The following EPN3 variants were observed in gnomAD, a reference collection of about 807,000 sequenced individuals.
EPN3 encodes epsin-3.
In EPN3, 56 loss-of-function variants were observed where a neutral mutation model predicts 55.5. That is an observed-to-expected ratio of 1.01 (90% CI 0.81 to 1.26). EPN3 has a LOEUF of 1.26. EPN3 is among the 50% of genes most tolerant of loss of function. EPN3 has a pLI of 0.00. For missense variants in EPN3, 927 were observed against 853.4 expected, an observed-to-expected ratio of 1.09 and a Z score of -1.07; for synonymous variants, 449 against 375.2, an observed-to-expected ratio of 1.20 and a Z score of -2.27.
chr17:50,536,241 A>G, intron 1 of EPN3, 180 bp from the exon 2 acceptor site: 1 of 389,482 alleles, frequency 2.6e-6, no homozygotes, highest in South Asian at 3.1e-5. Context: ...GTGAAGATAG[A>G]TAGATGAGCA....
chr17:50,534,933 C>T (rs943969819), intron 1 of EPN3, among the ~76,000 whole-genome samples: 2 of 152,130 alleles, frequency 1.3e-5, no homozygotes, highest in African/African-American at 4.8e-5. Context: ...GGACAGTTCA[C>T]GGGTGAAGTG....
Position 50,538,185 on chromosome 17 carries a change from G to T in EPN3, c.669G>T (p.Glu223Asp). The T allele has an allele frequency of 6.2e-7, 1 of 1,611,152 alleles. No homozygotes were observed. The highest frequency in any genetic ancestry group is 8.5e-7 in the Non-Finnish European group (1 of 1,179,880). The change falls in exon 3 of 10, where the codon GAG becomes GAT. Residue 223 changes from glutamate to aspartate, a missense_variant. Physicochemically the swap from Glu to Asp is conservative, Grantham distance 45 (BLOSUM62 2). Transcript: ENST00000268933. ...QLQLALAMSREEAEKPVPPAS... is the reference protein window; with the variant it reads ...QLQLALAMSRDEAEKPVPPAS... ...AGCTGGCCCTCGCCATGAGCCGTGA[G>T]GAGGCAGAGAAGGTGAGGCCATGCA...
chr17:50,534,902 G>A (rs1380615233), intron 1 of EPN3, among the ~76,000 whole-genome samples: 2 of 152,148 alleles, frequency 1.3e-5, no homozygotes, highest in South Asian at 2.1e-4. Flanking sequence ...GGGTGGAGCC[G>A]AAAGGTGTTT....
Position 50,538,122 on chromosome 17 carries a change from C to T in EPN3, c.606C>T (p.Ala202=), listed in dbSNP as rs1361508918. The change falls in exon 3 of 10, where the codon GCC becomes GCT. Residue 202 remains alanine (A), a synonymous_variant. Coordinates refer to ENST00000268933, the MANE Select transcript of EPN3 (RefSeq NM_017957.3). ...GCTATACCTCCGACCTGGAGCAGGCCCGGCCTCAGACGTCAGGGGAAGAGG... is the reference window on the plus strand; with the variant it reads ...GCTATACCTCCGACCTGGAGCAGGCTCGGCCTCAGACGTCAGGGGAAGAGG... ...SPRYTSDLEQ[A]RPQTSGEEEL... is the part of the protein sequence containing the mutation. 3.7e-6 allele frequency: 6 copies of T among 1,613,948 alleles called. No homozygotes were observed. Among genetic ancestry groups the T allele is most frequent in the Non-Finnish European group, 5.1e-6 (6 of 1,180,020 alleles).
chr17:50,535,953 G>A (rs2034753978), intron 1 of EPN3: 1 of 153,460 alleles, frequency 6.5e-6, no homozygotes, highest in African/African-American at 2.4e-5. Context: ...TGCACTCTTA[G>A]GTGGGGCTTC....
At position 50,541,948 on chromosome 17, in the gene EPN3, G is replaced by C; in HGVS notation, c.1690G>C (p.Gly564Arg). 1 of 1,595,542 alleles carries C rather than the reference G, an allele frequency of 6.3e-7. No homozygotes were observed. The change falls in exon 10 of 10, where the codon GGG (glycine) becomes CGG (arginine). Residue 564 changes from glycine (G) to arginine (R), a missense_variant. Gly to Arg is a moderately radical substitution (Grantham distance 125, BLOSUM62 -2). Transcript: ENST00000268933. ...CTCGCCGGCGCTGGGCCTGGCAGGC[G>C]GGCCTGTGGGGGCGCCCCTGGGCTC... ...TGSPALGLAG[G>R]PVGAPLGSMT... is the part of the protein sequence containing the mutation.
chr17:50,541,115 G>C (rs1288219223), intron 7 of EPN3, 53 bp downstream of exon 7: 26 of 1,576,298 alleles, frequency 1.6e-5, no homozygotes, highest in Non-Finnish European at 2.2e-5. Context: ...TTCCAGGCAG[G>C]GCCAAGGGGC....
intron 7 of EPN3, 66 bp from the exon 8 acceptor site, chr17:50,541,161 TGG>T (rs2034843726): frequency 6.2e-7 from 1 of 1,605,612 alleles, no homozygotes; most frequent in Non-Finnish European, 8.5e-7. Context: ...ACAGCTTCTC[TGG>T]AAAGGGGTCA....
chr17:50,534,753 C>A, intron 1 of EPN3: 1 of 706,742 alleles, frequency 1.4e-6, no homozygotes, highest in Non-Finnish European at 1.7e-6. Flanking sequence ...GTTTTCAAAG[C>A]GTGGGGCTGC....
chr17:50,539,962 T>G (rs2034822033), intron 5 of EPN3, among the ~76,000 whole-genome samples: 1 of 152,210 alleles, frequency 6.6e-6, no homozygotes, highest in Admixed American at 6.5e-5. Flanking sequence ...CCTGGCTGTG[T>G]GACTTCAGGC....
chr17:50,538,351 G>A (rs916960752), intron 3 of EPN3, 154 bp downstream of exon 3: 27 of 618,648 alleles, frequency 4.4e-5, no homozygotes, highest in African/African-American at 9.3e-5. Context: ...TCGGTTTGTC[G>A]CAGGCAGGGA....
In EPN3 at chr17:50,532,841, G is replaced by A. The variant is rs1375384061; in HGVS notation, c.-281G>A. 7.9e-6 allele frequency: 10 copies of A among 1,261,582 alleles called. No homozygotes were observed. The highest frequency in any genetic ancestry group is 4.6e-5 in the African/African-American group (3 of 64,998). The allele number at this position is 1,261,582 out of a possible 1,614,324, so 78.1% of individuals were successfully genotyped here. A position where few individuals can be genotyped will look rare whatever the true frequency, so the allele number is the denominator to read the frequency against. Reference sequence around the variant, plus strand: ...TCTGAGGGGTCTGCACCTCCTGGGAGCAGGTGGGTCTCTGGGACGAGGGTC... The same window carrying A: ...TCTGAGGGGTCTGCACCTCCTGGGAACAGGTGGGTCTCTGGGACGAGGGTC... On this transcript the variant is annotated 5_prime_UTR_variant, in exon 1 of 10. Transcript: ENST00000268933.
intron 4 of EPN3, 100 bp downstream of exon 4, chr17:50,539,064 G>C: frequency 1.3e-6 from 2 of 1,545,422 alleles, no homozygotes. Context: ...CGGTGGCCCT[G>C]CTGCTCCTAA....
Position 50,538,956 on chromosome 17 carries a change from C to A in EPN3, c.754C>A (p.His252Asn). 1 of 1,605,144 alleles carries A rather than the reference C, an allele frequency of 6.2e-7. No homozygotes were observed. Among genetic ancestry groups the A allele is most frequent in the Non-Finnish European group, 8.5e-7 (1 of 1,174,978 alleles). The change falls in exon 4 of 10, where the codon CAC becomes AAC. Residue 252 changes from histidine (H) to asparagine (N), a missense_variant. Physicochemically the swap from His to Asn is moderately conservative, Grantham distance 68 (BLOSUM62 1). Coordinates refer to ENST00000268933, the MANE Select transcript of EPN3 (RefSeq NM_017957.3). The part of the protein sequence containing the change: ...QLALRLSRQE[H>N]EKEVRSWQGD... ...GGCTCTGCGCCTGAGCCGGCAGGAG[C>A]ACGAGAAGGTAGTGGGCCGAGCCCG...
rs1171801765 is a variant in EPN3 at position 50,536,536 on chromosome 17, C to T, written c.-21C>T. The T allele has an allele frequency of 6.2e-7, 1 of 1,613,004 alleles. No individual in the cohort carries two copies. The highest frequency in any genetic ancestry group is 1.3e-5 in the African/African-American group (1 of 74,914). On this transcript the variant is annotated 5_prime_UTR_variant, in exon 2 of 10. Coordinates refer to ENST00000268933, the MANE Select transcript of EPN3 (RefSeq NM_017957.3). ...CCACCTCCGGCGGGGGCGAGGGCCACCCACCTCCAAGTCTCCAGCCATGAC... is the reference window on the plus strand; with the variant it reads ...CCACCTCCGGCGGGGGCGAGGGCCATCCACCTCCAAGTCTCCAGCCATGAC...
intron 9 of EPN3, 72 bp downstream of exon 9, chr17:50,541,766 C>T: frequency 6.2e-7 from 1 of 1,607,660 alleles, no homozygotes; most frequent in Middle Eastern, 1.7e-4. Context: ...GAGGAGCCCA[C>T]TCTTCTTCCC....
In EPN3 at chr17:50,532,862, G is replaced by A. The variant is rs752434120; in HGVS notation, c.-260G>A. On this transcript the variant is annotated 5_prime_UTR_variant, in exon 1 of 10. Coordinates refer to ENST00000268933, the MANE Select transcript of EPN3 (RefSeq NM_017957.3). ...GGGAGCAGGTGGGTCTCTGGGACGA[G>A]GGTCCATGGTGGATGGCTCTGGAGA... is the stretch of plus-strand genomic sequence containing the variant. 1.6e-6 allele frequency: 2 copies of A among 1,284,074 alleles called. No individual in the cohort carries two copies. The highest frequency in any genetic ancestry group is 2.0e-6 in the Non-Finnish European group (2 of 986,060). 79.5% of individuals were successfully genotyped at this position (1,284,074 alleles called of 1,614,324 possible).
chr17:50,540,127 T>C (rs1291018525), intron 5 of EPN3, 120 bp from the exon 6 acceptor site: 17 of 717,038 alleles, frequency 2.4e-5, no homozygotes, highest in Non-Finnish European at 3.9e-5. Context: ...TGAGGGATCA[T>C]GAATAGGTAT....
In EPN3 at chr17:50,542,147, C is replaced by G. The variant is rs1171328669; in HGVS notation, c.1889C>G (p.Pro630Arg). The G allele has an allele frequency of 2.0e-6, 3 of 1,503,272 alleles. No homozygotes were observed. Among genetic ancestry groups the G allele is most frequent in the Non-Finnish European group, 2.6e-6 (3 of 1,134,816 alleles). The allele number at this position is 1,503,272 out of a possible 1,614,324, so 93.1% of individuals were successfully genotyped here. ...CCGCCCCCGCAGACCGGCACCAACC[C>G]CTTCCTCTGAGCCCCGCCCCGTCCC... is the stretch of plus-strand genomic sequence containing the variant. ...RPPPPQTGTN[P>R]FL is the part of the protein sequence containing the mutation. Residue 630 changes from proline (P) to arginine (R), a missense_variant, in exon 10 of 10, where the codon CCC becomes CGC. By Grantham distance (103) the Pro-to-Arg change is moderately radical. Transcript: ENST00000268933.
Sources: gnomAD v4.1 joint callset for allele counts (sites outside exome capture counted in the v4.1 genomes callset) on GRCh38, gnomAD v4.1.1 for gene constraint, MANE v1.5 for transcripts, NCBI Gene and HGNC (gene_info 2026-07-23, HGNC 2026-07-21) for gene names.